Variants in DNAH12 observed in about 807,000 individuals in gnomAD.
DNAH12 encodes axonemal beta dynein heavy chain 12.
Under a neutral mutation model 371.5 loss-of-function variants are expected in DNAH12, and 285 were observed. The ratio of observed to expected loss-of-function variants is 0.77; its 90% CI spans 0.70 to 0.85. DNAH12 has a LOEUF of 0.85. Among genes scored for constraint, DNAH12 ranks in the 40% least tolerant of loss-of-function variants. DNAH12 has a pLI of 0.00. For synonymous variants in DNAH12, 1,200 were observed against 1,213.0 expected, an observed-to-expected ratio of 0.99 and a Z score of 0.22; for missense variants, 3,611 against 3,689.4, an observed-to-expected ratio of 0.98 and a Z score of 0.55.
At position 57,293,756 on chromosome 3, in the gene DNAH12, T is replaced by C. The variant is rs1559527642; in HGVS notation, c.*25A>G. 6.5e-7 allele frequency: 1 copy of C among 1,538,738 alleles called. No individual in the cohort carries two copies. Among genetic ancestry groups the C allele is most frequent in the Non-Finnish European group, 8.7e-7 (1 of 1,143,250 alleles). ...ACAGGTTTTTTTTTTTTTAAACTTT[T>C]GGATGTTTTATAAATTTGTCCAATT... On this transcript the variant is annotated 3_prime_UTR_variant, in exon 74 of 74. Coordinates refer to ENST00000495027, the MANE Select transcript of DNAH12 (RefSeq NM_001366028.2).
intron 4 of DNAH12, 116 bp downstream of exon 4, chr3:57,523,467 G>A (rs2068522169): frequency 1.2e-6 from 1 of 821,354 alleles, no homozygotes; most frequent in African/African-American, 1.8e-5. Flanking sequence ...AAAAACCTCA[G>A]TTTCTAAATT....
chr3:57,554,871 C>T, the DNAH12 span, among the ~76,000 whole-genome samples: 4 of 152,160 alleles, frequency 2.6e-5, no homozygotes, highest in African/African-American at 9.7e-5. Flanking sequence ...CCCGCCTCAG[C>T]CTCCCAAAGT....
At chr3:57,412,717 T>C (rs1470803212) in intron 39 of DNAH12, among the ~76,000 whole-genome samples, 2 of 152,114 alleles carry the variant, frequency 1.3e-5, no homozygotes, top group East Asian at 1.9e-4. Context: ...ATCAGGGAAA[T>C]GCAAATTAAA....
At chr3:57,311,038 G>A (rs2061573353) in intron 66 of DNAH12, 88 bp from the exon 67 acceptor site, 2 of 933,238 alleles carry the variant, frequency 2.1e-6, no homozygotes, top group African/African-American at 1.7e-5. Flanking sequence ...ATCTAGAAAG[G>A]GGGTTGAAAG....
intron 43 of DNAH12, among the ~76,000 whole-genome samples, chr3:57,400,960 G>A (rs1345784133): frequency 6.6e-6 from 1 of 151,952 alleles, no homozygotes; most frequent in Non-Finnish European, 1.5e-5. Flanking sequence ...GACCACATTA[G>A]GCCACAAAAC....
intron 43 of DNAH12, among the ~76,000 whole-genome samples, chr3:57,397,304 G>C (rs2063763527): frequency 6.7e-6 from 1 of 150,316 alleles, no homozygotes; most frequent in Non-Finnish European, 1.5e-5. Context: ...ATGAACAAGA[G>C]AAGGGACTGT....
At chr3:57,315,780 T>G (rs950198913) in intron 65 of DNAH12, among the ~76,000 whole-genome samples, 1 of 152,194 alleles carries the variant, frequency 6.6e-6, no homozygotes, top group Admixed American at 6.5e-5. Flanking sequence ...CTGGGACAAG[T>G]GGTCTCTGAA....
chr3:57,445,535 T>C, intron 27 of DNAH12, 116 bp from the exon 28 acceptor site: 16 of 921,994 alleles, frequency 1.7e-5, no homozygotes, highest in Non-Finnish European at 2.1e-5. Flanking sequence ...GCAGCACCTT[T>C]TTCTAAACTC....
chr3:57,448,860 AACCTT>A (rs2065640153), intron 25 of DNAH12, among the ~76,000 whole-genome samples: 1 of 151,842 alleles, frequency 6.6e-6, no homozygotes, highest in African/African-American at 2.4e-5. Context: ...TGCACTCACA[AACCTT>A]GAGCTAAACA....
At chr3:57,404,585 C>T (rs970205711) in intron 42 of DNAH12, among the ~76,000 whole-genome samples, 2 of 151,812 alleles carry the variant, frequency 1.3e-5, no homozygotes, top group African/African-American at 4.8e-5. Flanking sequence ...CCAGGCATGC[C>T]GGCGCATGCC....
intron 10 of DNAH12, among the ~76,000 whole-genome samples, chr3:57,502,064 G>C (rs1161769510): frequency 6.6e-6 from 1 of 152,030 alleles, no homozygotes; most frequent in Non-Finnish European, 1.5e-5. Context: ...CCGCCACGAC[G>C]CCCGGCTAAT....
intron 11 of DNAH12, chr3:57,498,578 T>C (rs560323202): frequency 2.1e-5 from 15 of 716,550 alleles, no homozygotes; most frequent in Admixed American, 1.4e-4. Context: ...CACAAAGACT[T>C]GTAAACAGAA....
intron 2 of DNAH12, among the ~76,000 whole-genome samples, chr3:57,526,668 G>A (rs1559752693): frequency 1.3e-5 from 2 of 151,640 alleles, no homozygotes; most frequent in Non-Finnish European, 2.9e-5. Flanking sequence ...TGGGACTCCA[G>A]GTGTGCACCA....
intron 35 of DNAH12, among the ~76,000 whole-genome samples, chr3:57,422,291 G>A (rs1398133845): frequency 2.6e-5 from 4 of 151,400 alleles, no homozygotes; most frequent in East Asian, 3.9e-4. Context: ...ACAGTGGTGC[G>A]ATCTCAGCTC....
intron 17 of DNAH12, among the ~76,000 whole-genome samples, chr3:57,465,967 A>G (rs1042431582): frequency 1.3e-5 from 2 of 152,162 alleles, no homozygotes; most frequent in African/African-American, 4.8e-5. Flanking sequence ...GAGAGTATAT[A>G]TTGGTATAAC....
At chr3:57,506,181 G>A (rs531607325) in intron 8 of DNAH12, among the ~76,000 whole-genome samples, 7 of 152,274 alleles carry the variant, frequency 4.6e-5, no homozygotes, top group South Asian at 4.1e-4. Flanking sequence ...TGAAGGGAGG[G>A]GAGGTCTGAC....
chr3:57,522,839 C>CT (rs374960366), intron 4 of DNAH12, among the ~76,000 whole-genome samples: 3,752 of 145,400 alleles, frequency 0.026, 60 homozygotes, highest in Middle Eastern at 0.036. Context: ...CAGTCAGTGT[C>CT]TTTTTTTTTT....
At chr3:57,304,739 G>A (rs2061433623) in intron 69 of DNAH12, among the ~76,000 whole-genome samples, 1 of 152,062 alleles carries the variant, frequency 6.6e-6, no homozygotes, top group Admixed American at 6.5e-5. Flanking sequence ...CTTTTCTGGA[G>A]GGCCAGAACC....
intron 41 of DNAH12, 78 bp from the exon 42 acceptor site, chr3:57,405,225 T>A (rs555782070): frequency 6.5e-5 from 84 of 1,301,630 alleles, no homozygotes; most frequent in Non-Finnish European, 8.5e-5. Flanking sequence ...TTTTGTTTCA[T>A]CCATGTTATA....
Sources: allele counts gnomAD v4.1 joint callset (sites outside exome capture counted in the v4.1 genomes callset), GRCh38; gene constraint gnomAD v4.1.1; transcripts MANE v1.5; gene names NCBI Gene and HGNC (gene_info 2026-07-23, HGNC 2026-07-21).